Variants in DST observed in about 807,000 individuals in gnomAD.
DST encodes the protein dystonin.
DST carries 253 observed loss-of-function variants against 875.2 expected under a neutral mutation model. That is an observed-to-expected ratio of 0.29 (90% CI 0.26 to 0.32). The LOEUF (loss-of-function observed/expected upper bound fraction) is 0.32, where lower values mean the gene tolerates loss of function less well. DST is among the 10% of genes least tolerant of loss of function. The probability of loss-of-function intolerance (pLI) is 1.00; values close to 1 mark genes in which losing one functional copy is unlikely to be tolerated. For missense variants in DST, 8,287 were observed against 9,111.6 expected, an observed-to-expected ratio of 0.91 and a Z score of 3.68; for synonymous variants, 3,124 against 3,197.1, an observed-to-expected ratio of 0.98 and a Z score of 0.77.
chr6:56,944,382 C>T (rs1186798754), intron 2 of DST, among the ~76,000 whole-genome samples: 3 of 151,366 alleles, frequency 2.0e-5, no homozygotes, highest in South Asian at 2.1e-4. Flanking sequence ...ATTGTTACTA[C>T]GAGGCGGGAG....
rs552374801 is a variant in DST, at chr6:56,784,545, G to A, written c.626-49256C>T. 1.7e-4 allele frequency among the ~76,000 whole-genome samples: 26 copies of A among 152,100 alleles called. No homozygotes were observed. In the South Asian group the frequency reaches 2.3e-3, roughly 13 times the overall value. On this transcript the variant is annotated intron_variant, in intron 4 of 103. Coordinates refer to ENST00000680361, the MANE Select transcript of DST (RefSeq NM_001374736.1). ...CTCCTGAGGCTTCTGCATTCTTCAC[G>A]TAGTTCTCGAGCCTTGGCTTTCAGC...
chr6:56,566,066 A>T lies in DST; in HGVS notation c.14005+2403T>A, dbSNP rs765403168. On this transcript the variant is annotated intron_variant, in intron 55 of 103. Transcript: ENST00000680361. ...TCCCCTCACCAAGCTCAAGCATCCCAGGTCGACTGCAGACTGCTGTGCTGG... is the reference window on the plus strand; with the variant it reads ...TCCCCTCACCAAGCTCAAGCATCCCTGGTCGACTGCAGACTGCTGTGCTGG... Among the ~76,000 whole-genome samples, 14 of 152,264 alleles carry T rather than the reference A, an allele frequency of 9.2e-5. No individual in the cohort carries two copies. In the South Asian group the frequency reaches 2.3e-3, roughly 25 times the overall value.
chr6:56,558,967 T>C (rs948242264), intron 58 of DST, among the ~76,000 whole-genome samples: 1 of 152,104 alleles, frequency 6.6e-6, no homozygotes, highest in African/African-American at 2.4e-5. Context: ...CTCCCTGCAG[T>C]CAAGGGTTAC....
Position 56,900,563 on chromosome 6 carries a change from C to A in DST, c.275G>T (p.Arg92Leu), listed in dbSNP as rs774230622. 8.0e-6 allele frequency: 11 copies of A among 1,367,636 alleles called. No homozygotes were observed. Among genetic ancestry groups the A allele is most frequent in the Non-Finnish European group, 9.8e-6 (10 of 1,021,844 alleles). The allele number at this position is 1,367,636 out of a possible 1,614,324, so 84.7% of individuals were successfully genotyped here. The change falls in exon 3 of 104, where the codon CGT becomes CTT. Residue 92 changes from arginine (R) to leucine (L), a missense_variant. Transcript: ENST00000680361. ...CACCACGGGCTTCACTTCTTCCAGA[C>A]GGGCAGCTGCGGCCGCTGCAACTCG... ...RRRVAAAAAA[R>L]LEEVKPVVEV...
In DST at chr6:56,557,419, T is replaced by G. The variant is rs765360203; in HGVS notation, c.14540A>C (p.Gln4847Pro). The part of the protein sequence containing the change: ...NLTQFQTVEA[Q>P]LKQWLVEKEL... ...TTTTTCCACAAGCCACTGTTTCAAT[T>G]GGGCCTCTACAGTCTGGAACTGGGT... The change falls in exon 59 of 104, where the codon CAA becomes CCA. Residue 4847 changes from glutamine to proline, a missense_variant. Around this residue, in one of 10 missense-constraint regions of DST, gnomAD observed 1,513 missense variants for 1,677.8 expected, o/e 0.90. Transcript: ENST00000680361. 3 of 1,613,766 alleles carry G rather than the reference T, an allele frequency of 1.9e-6. No homozygotes were observed. Among genetic ancestry groups the G allele is most frequent in the South Asian group, 1.1e-5 (1 of 91,060 alleles).
At chr6:56,489,985 C>T (rs1477154495) in intron 85 of DST, among the ~76,000 whole-genome samples, 1 of 152,090 alleles carries the variant, frequency 6.6e-6, no homozygotes, top group East Asian at 1.9e-4. Flanking sequence ...TTACTGCTGT[C>T]TGTTGACAGA....
At chr6:56,853,901 CAT>C (rs1389090160) in intron 3 of DST, among the ~76,000 whole-genome samples, 2 of 151,962 alleles carry the variant, frequency 1.3e-5, no homozygotes, top group Admixed American at 6.6e-5. Flanking sequence ...AACAATATAT[CAT>C]AGGAAAATAT....
At chr6:56,759,133 G>C (rs937294629) in intron 4 of DST, among the ~76,000 whole-genome samples, 1 of 152,084 alleles carries the variant, frequency 6.6e-6, no homozygotes, top group African/African-American at 2.4e-5. Context: ...AATTTATAAA[G>C]AATACTTATG....
intron 4 of DST, among the ~76,000 whole-genome samples, chr6:56,832,090 G>A (rs760605644): frequency 4.9e-4 from 75 of 152,286 alleles, no homozygotes; most frequent in Non-Finnish European, 9.6e-4. Context: ...CTTGCTTTCT[G>A]TAATTTAGAA....
intron 4 of DST, among the ~76,000 whole-genome samples, chr6:56,832,676 T>C: frequency 6.6e-6 from 1 of 152,138 alleles, no homozygotes; most frequent in Admixed American, 6.6e-5. Flanking sequence ...AAAATTCATA[T>C]TATATGCAAA....
At chr6:56,842,084 T>C (rs78493324) in intron 4 of DST, among the ~76,000 whole-genome samples, 1 of 117,918 alleles carries the variant, frequency 8.5e-6, no homozygotes. Context: ...TTTAGTTCAA[T>C]TTTTTTTTAT....
chr6:56,887,047 A>C (rs947119885), intron 3 of DST, among the ~76,000 whole-genome samples: 14 of 152,224 alleles, frequency 9.2e-5, no homozygotes, highest in Non-Finnish European at 1.5e-4. Flanking sequence ...ACTTAGGAGA[A>C]AAGTTCAGAG....
intron 34 of DST, among the ~76,000 whole-genome samples, chr6:56,626,327 T>G (rs895552217): frequency 6.6e-6 from 1 of 152,180 alleles, no homozygotes; most frequent in Non-Finnish European, 1.5e-5. Flanking sequence ...CCATTCATGG[T>G]AGGTGCTCTA....
Position 56,634,951 on chromosome 6 carries a change from T to C in DST, c.3189A>G (p.Glu1063=). 5.6e-6 allele frequency: 9 copies of C among 1,610,450 alleles called. No homozygotes were observed. Among genetic ancestry groups the C allele is most frequent in the Non-Finnish European group, 6.8e-6 (8 of 1,177,404 alleles). The part of the protein sequence containing the change: ...KLEDLVQESM[E]EKEELLQYKS... Reference sequence around the variant, plus strand: ...TGTACTGCAGAAGTTCTTCTTTCTCTTCCTAAGTAATAAATACAGTGAATT... The same window carrying C: ...TGTACTGCAGAAGTTCTTCTTTCTCCTCCTAAGTAATAAATACAGTGAATT... The change falls in exon 25 of 104, where the codon GAA becomes GAG. Residue 1063 remains glutamate, a splice_region_variant and synonymous_variant. Coordinates refer to ENST00000680361, the MANE Select transcript of DST (RefSeq NM_001374736.1).
rs555388567 is a variant in DST, at chr6:56,766,111, T to C, written c.626-30822A>G. Among the ~76,000 whole-genome samples the C allele has an allele frequency of 5.3e-5, 8 of 152,330 alleles. No individual in the cohort carries two copies. The South Asian group carries it at 6.2e-4, about 12-fold the overall frequency. On this transcript the variant is annotated intron_variant, in intron 4 of 103. Transcript: ENST00000680361. The stretch of plus-strand genomic sequence containing the variant: ...AAAGTTGAGCCTTATCTCTCAAAGA[T>C]TGATTAATTGAAGCATGGATTCACA...
intron 4 of DST, among the ~76,000 whole-genome samples, chr6:56,849,449 A>C (rs1763880102): frequency 6.6e-6 from 1 of 152,110 alleles, no homozygotes; most frequent in African/African-American, 2.4e-5. Context: ...AATTCTAAAG[A>C]ATGGAATTTT....
chr6:56,808,950 C>T (rs1441916813), intron 4 of DST, among the ~76,000 whole-genome samples: 1 of 152,156 alleles, frequency 6.6e-6, no homozygotes, highest in Non-Finnish European at 1.5e-5. Flanking sequence ...ATTGGACTGC[C>T]TAATGTGAAT....
At chr6:56,670,133 C>T (rs958616063) in intron 10 of DST, among the ~76,000 whole-genome samples, 33 of 146,292 alleles carry the variant, frequency 2.3e-4, no homozygotes, top group African/African-American at 7.6e-4. Flanking sequence ...AGCGCCCGTG[C>T]GTGTGTGTGT....
Position 56,785,505 on chromosome 6 carries a change from C to T in DST, c.626-50216G>A, listed in dbSNP as rs996964653. On this transcript the variant is annotated intron_variant, in intron 4 of 103. Transcript: ENST00000680361. ...TCAGTGAGACTCGGTGGGCGTAGGA[C>T]CCTCCAAGCCAGGTGTGGGATATCA... 1.4e-4 allele frequency among the ~76,000 whole-genome samples: 21 copies of T among 151,726 alleles called. No homozygotes were observed. In the East Asian group the frequency reaches 4.1e-3, roughly 30 times the overall value.
Sources: gnomAD v4.1 joint callset for allele counts (sites outside exome capture counted in the v4.1 genomes callset) on GRCh38, gnomAD v4.1.1 for gene constraint, gnomAD v4.1.1 regional missense constraint, MANE v1.5 for transcripts, NCBI Gene and HGNC (gene_info 2026-07-23, HGNC 2026-07-21) for gene names.